MAML2: variants seen among roughly 807,000 people sequenced by gnomAD.
The protein encoded by MAML2 is mastermind-like protein 2.
Under a neutral mutation model 96.1 loss-of-function variants are expected in MAML2, and 22 were observed. That is an observed-to-expected ratio of 0.23 (90% CI 0.16 to 0.33). The LOEUF is 0.33. MAML2 is among the 10% of genes least tolerant of loss of function. The pLI is 1.00. For synonymous variants in MAML2, 561 were observed against 521.3 expected (o/e 1.08, Z -1.04); for missense variants, 1,367 against 1,392.4 (o/e 0.98, Z 0.29).
intron 1 of MAML2, among the ~76,000 whole-genome samples, chr11:96,265,241 C>T (rs548137239): frequency 3.3e-5 from 5 of 152,156 alleles, no homozygotes; most frequent in Admixed American, 6.5e-5. Context: ...GGCTTTAGCG[C>T]GGGGAGGACG....
intron 1 of MAML2, among the ~76,000 whole-genome samples, chr11:96,227,638 T>C (rs1362169658): frequency 6.6e-6 from 1 of 152,224 alleles, no homozygotes; most frequent in African/African-American, 2.4e-5. Context: ...TCATTCAGTT[T>C]TCTCATGGGT....
intron 2 of MAML2, among the ~76,000 whole-genome samples, chr11:96,009,197 A>T (rs112204448): frequency 6.6e-5 from 10 of 152,342 alleles, no homozygotes; most frequent in African/African-American, 2.4e-4. Flanking sequence ...AATGCTAACG[A>T]TGGCCATTCG....
intron 1 of MAML2, among the ~76,000 whole-genome samples, chr11:96,236,929 T>G (rs532484843): frequency 6.6e-6 from 1 of 152,306 alleles, no homozygotes; most frequent in African/African-American, 2.4e-5. Flanking sequence ...GTGCCATCTA[T>G]CATTTCTGCT....
intron 2 of MAML2, among the ~76,000 whole-genome samples, chr11:96,059,970 G>T (rs1859129556): frequency 6.6e-6 from 1 of 152,268 alleles, no homozygotes; most frequent in Admixed American, 6.5e-5. Flanking sequence ...ATGCTAAAAG[G>T]TGCTGGGGGA....
At chr11:96,282,440 C>T (rs1863085264) in intron 1 of MAML2, among the ~76,000 whole-genome samples, 1 of 152,124 alleles carries the variant, frequency 6.6e-6, no homozygotes, top group African/African-American at 2.4e-5. Context: ...AATATAGCTA[C>T]TGAGTAGAAC....
At chr11:96,248,998 G>A (rs1054668052) in intron 1 of MAML2, among the ~76,000 whole-genome samples, 22 of 152,196 alleles carry the variant, frequency 1.4e-4, no homozygotes, top group African/African-American at 5.1e-4. Flanking sequence ...TCAGGATTTT[G>A]CTGTTGTCAC....
At chr11:96,069,378 A>C (rs1220102755) in intron 2 of MAML2, among the ~76,000 whole-genome samples, 3 of 151,996 alleles carry the variant, frequency 2.0e-5, no homozygotes, top group Non-Finnish European at 4.4e-5. Flanking sequence ...TTTTTAATTA[A>C]GATAAACAAA....
intron 1 of MAML2, among the ~76,000 whole-genome samples, chr11:96,120,236 C>A (rs1000498934): frequency 3.3e-5 from 5 of 152,112 alleles, no homozygotes; most frequent in Admixed American, 6.5e-5. Context: ...GGTTTACAGG[C>A]GTGAGCCACC....
chr11:96,298,613 C>T (rs747233770), intron 1 of MAML2, among the ~76,000 whole-genome samples: 9 of 151,630 alleles, frequency 5.9e-5, no homozygotes, highest in Non-Finnish European at 7.4e-5. Context: ...TTCTGCTCTG[C>T]GTTAGGCATT....
At chr11:96,108,164 C>G (rs899780852) in intron 1 of MAML2, among the ~76,000 whole-genome samples, 20 of 152,114 alleles carry the variant, frequency 1.3e-4, no homozygotes, top group African/African-American at 4.1e-4. Context: ...CTCAGGTAGA[C>G]AGTGTAATAA....
chr11:96,189,500 T>C (rs1450840407), intron 1 of MAML2, among the ~76,000 whole-genome samples: 1 of 152,218 alleles, frequency 6.6e-6, no homozygotes, highest in East Asian at 1.9e-4. Context: ...AAAAGTAGTC[T>C]CTTACCACTA....
At chr11:96,062,535 G>A (rs148639021) in intron 2 of MAML2, among the ~76,000 whole-genome samples, 43 of 152,358 alleles carry the variant, frequency 2.8e-4, no homozygotes, top group Non-Finnish European at 4.3e-4. Flanking sequence ...AAGGGTGGCA[G>A]AGTTTTCTCT....
At chr11:96,198,822 A>C (rs1861769250) in intron 1 of MAML2, among the ~76,000 whole-genome samples, 3 of 151,956 alleles carry the variant, frequency 2.0e-5, no homozygotes, top group Non-Finnish European at 4.4e-5. Context: ...TTTTCCAGCC[A>C]CTCTAGCAGC....
At chr11:96,282,852 T>A (rs115837265) in intron 1 of MAML2, among the ~76,000 whole-genome samples, 457 of 152,344 alleles carry the variant, frequency 3.0e-3, no homozygotes, top group African/African-American at 0.01. Flanking sequence ...GTCATCCTCC[T>A]CCTTCTCCCT....
At chr11:96,219,776 C>T (rs1862104997) in intron 1 of MAML2, among the ~76,000 whole-genome samples, 1 of 152,114 alleles carries the variant, frequency 6.6e-6, no homozygotes, top group Non-Finnish European at 1.5e-5. Flanking sequence ...CAGATACCTG[C>T]CACGATACCC....
chr11:96,119,980 C>T (rs1195939881), intron 1 of MAML2, among the ~76,000 whole-genome samples: 3 of 70,400 alleles, frequency 4.3e-5, no homozygotes, highest in Admixed American at 2.0e-4. Context: ...TTTTTTGAGA[C>T]GGAGTCTCAC....
chr11:96,005,262 C>G (rs1858159951), intron 2 of MAML2, among the ~76,000 whole-genome samples: 1 of 89,236 alleles, frequency 1.1e-5, no homozygotes, highest in Non-Finnish European at 2.2e-5. Flanking sequence ...ACAATTTTTA[C>G]TTCTTATCAC....
At chr11:96,062,605 AAGCTGGG>A (rs1859181544) in intron 2 of MAML2, among the ~76,000 whole-genome samples, 1 of 152,204 alleles carries the variant, frequency 6.6e-6, no homozygotes, top group South Asian at 2.1e-4. Flanking sequence ...CCAGTTAACA[AAGCTGGG>A]AGCACTTTAA....
At chr11:95,985,496 A>T in intron 4 of MAML2, 35 bp downstream of exon 4, 1 of 1,276,874 alleles carries the variant, frequency 7.8e-7, no homozygotes, top group Non-Finnish European at 1.1e-6. Context: ...TTCCTTTCAC[A>T]GCTATAATTT....
Sources: allele counts gnomAD v4.1 joint callset (sites outside exome capture counted in the v4.1 genomes callset), GRCh38; gene constraint gnomAD v4.1.1; transcripts MANE v1.5; gene names NCBI Gene and HGNC (gene_info 2026-07-23, HGNC 2026-07-21).